The following AGK variants were observed in gnomAD, a reference collection of about 807,000 sequenced individuals.
AGK encodes acylglycerol kinase, mitochondrial.
Under a neutral mutation model 66.4 loss-of-function variants are expected in AGK, and 52 were observed. The observed-to-expected ratio is 0.78, with a 90% CI of 0.63 to 0.99. The LOEUF is 0.99. Ranked by LOEUF, AGK falls within the 50% of genes least tolerant of loss-of-function variation. AGK has a pLI of 0.00. For synonymous variants in AGK, 182 were observed against 181.1 expected (o/e 1.00, Z -0.04); for missense variants, 451 against 506.6 (o/e 0.89, Z 1.05).
intron 9 of AGK, among the ~76,000 whole-genome samples, chr7:141,631,233 C>T (rs1479268477): frequency 6.6e-6 from 1 of 151,824 alleles, no homozygotes; most frequent in African/African-American, 2.4e-5. Context: ...TGCTGATAAC[C>T]CCTTTATACA....
chr7:141,580,413 G>A (rs547913300), intron 2 of AGK, among the ~76,000 whole-genome samples: 60 of 152,004 alleles, frequency 3.9e-4, no homozygotes, highest in Middle Eastern at 6.8e-3. Context: ...AGGAAATATG[G>A]GGAAATTGGG....
At chr7:141,558,790 T>C (rs956049858) in intron 2 of AGK, among the ~76,000 whole-genome samples, 3 of 152,086 alleles carry the variant, frequency 2.0e-5, no homozygotes, top group East Asian at 3.8e-4. Context: ...TCAACACTTG[T>C]TATTTTCTGT....
intron 11 of AGK, 148 bp downstream of exon 11, chr7:141,637,165 A>G (rs924766314): frequency 3.2e-6 from 2 of 630,566 alleles, no homozygotes; most frequent in Non-Finnish European, 5.5e-6. Context: ...TTAAATACAA[A>G]TATAGAACGC....
intron 8 of AGK, among the ~76,000 whole-genome samples, chr7:141,619,488 T>C (rs796736924): frequency 5.3e-5 from 8 of 152,020 alleles, no homozygotes; most frequent in East Asian, 3.9e-4. Context: ...GTTGAACATA[T>C]ACAAAAAGTA....
chr7:141,561,819 G>T (rs1156794187), intron 2 of AGK, among the ~76,000 whole-genome samples: 2 of 152,032 alleles, frequency 1.3e-5, no homozygotes, highest in South Asian at 4.2e-4. Context: ...GGAACTCAAG[G>T]CCTGCTCTTC....
At position 141,654,398 on chromosome 7, in the gene AGK, AC is replaced by A. The variant is rs1255817364; in HGVS notation, c.*1475del. The A allele has an allele frequency of 2.6e-5, 4 of 152,240 alleles. No homozygotes were observed. The highest frequency in any genetic ancestry group is 9.6e-5 in the African/African-American group (4 of 41,472). The allele number at this position is 152,240 out of a possible 1,614,324, so 9.4% of individuals were successfully genotyped here. ...CACATAAATTCGATGGAATAGAATT[AC>A]GTTAACAATGTTTTTACAGTTCTTT... On this transcript the variant is annotated 3_prime_UTR_variant, in exon 16 of 16. Coordinates refer to ENST00000649286, the MANE Select transcript of AGK (RefSeq NM_018238.4).
chr7:141,563,883 C>T (rs1795404594), intron 2 of AGK, among the ~76,000 whole-genome samples: 1 of 152,194 alleles, frequency 6.6e-6, no homozygotes, highest in Non-Finnish European at 1.5e-5. Flanking sequence ...ATACGTTCCT[C>T]AACTCCATTT....
intron 13 of AGK, 142 bp from the exon 14 acceptor site, chr7:141,649,121 T>TACACTACA: frequency 2.7e-6 from 1 of 369,894 alleles, no homozygotes; most frequent in Non-Finnish European, 4.7e-6. Flanking sequence ...AGATTGAAAA[T>TACACTACA]AGGTTTGGAA....
chr7:141,608,999 T>A (rs547758026), intron 5 of AGK, among the ~76,000 whole-genome samples: 10 of 152,326 alleles, frequency 6.6e-5, no homozygotes, highest in Admixed American at 6.5e-4. Flanking sequence ...TACATACATT[T>A]TTTTAAAAGT....
At chr7:141,595,830 C>CT (rs1454595834) in intron 3 of AGK, among the ~76,000 whole-genome samples, 7 of 152,134 alleles carry the variant, frequency 4.6e-5, no homozygotes, top group African/African-American at 1.7e-4. Context: ...CTCTTTAGAG[C>CT]TTAGAGAGGC....
At chr7:141,592,676 A>T (rs967702278) in intron 2 of AGK, among the ~76,000 whole-genome samples, 9 of 152,192 alleles carry the variant, frequency 5.9e-5, no homozygotes, top group African/African-American at 1.9e-4. Context: ...AAATGTGATG[A>T]TAAGTTGTTA....
chr7:141,604,374 GTATATA>G (rs368893843), intron 5 of AGK, among the ~76,000 whole-genome samples: 1,839 of 113,798 alleles, frequency 0.016, 35 homozygotes, highest in Middle Eastern at 0.019. Flanking sequence ...GTGTGTGTGT[GTATATA>G]TATATATATA....
chr7:141,571,184 A>G (rs1261570276), intron 2 of AGK, among the ~76,000 whole-genome samples: 1 of 152,234 alleles, frequency 6.6e-6, no homozygotes, highest in Non-Finnish European at 1.5e-5. Flanking sequence ...ACACCTTTAA[A>G]TGGTGCCCTT....
At chr7:141,650,864 G>A (rs1035404602) in intron 14 of AGK, among the ~76,000 whole-genome samples, 4 of 152,080 alleles carry the variant, frequency 2.6e-5, no homozygotes, top group African/African-American at 7.2e-5. Flanking sequence ...ACTTAGGCAC[G>A]TCCTCCCTAT....
At position 141,653,058 on chromosome 7, in the gene AGK, C is replaced by T. The variant is rs1797603929; in HGVS notation, c.*134C>T. On this transcript the variant is annotated 3_prime_UTR_variant, in exon 16 of 16. Coordinates refer to ENST00000649286, the MANE Select transcript of AGK (RefSeq NM_018238.4). ...TTTTCATGGCAAGTACCCCTCTGCC[C>T]CCACTCCAGCAGTGCTTCCCAAAGT... 8.8e-6 allele frequency: 9 copies of T among 1,021,428 alleles called. No individual in the cohort carries two copies. The highest frequency in any genetic ancestry group is 2.4e-5 in the Admixed American group (1 of 41,584). The allele number at this position is 1,021,428 out of a possible 1,614,324, so 63.3% of individuals were successfully genotyped here.
At chr7:141,634,198 G>A (rs1797120013) in intron 10 of AGK, among the ~76,000 whole-genome samples, 1 of 152,146 alleles carries the variant, frequency 6.6e-6, no homozygotes, top group Non-Finnish European at 1.5e-5. Flanking sequence ...ACACTAGCTG[G>A]GCAGTAGCTG....
At chr7:141,583,032 C>G (rs780247593) in intron 2 of AGK, among the ~76,000 whole-genome samples, 2 of 151,690 alleles carry the variant, frequency 1.3e-5, no homozygotes, top group African/African-American at 4.9e-5. Flanking sequence ...AGGAAGGGAC[C>G]GATGTGTAAA....
intron 2 of AGK, among the ~76,000 whole-genome samples, chr7:141,592,680 G>A (rs1796146776): frequency 1.3e-5 from 2 of 152,020 alleles, no homozygotes; most frequent in South Asian, 4.2e-4. Flanking sequence ...GTGATGATAA[G>A]TTGTTATCAG....
At chr7:141,571,471 A>G (rs899662505) in intron 2 of AGK, among the ~76,000 whole-genome samples, 4 of 152,258 alleles carry the variant, frequency 2.6e-5, no homozygotes, top group African/African-American at 9.6e-5. Context: ...GAGTGGAGCC[A>G]TAATTAGATT....
Sources: gnomAD v4.1 joint callset for allele counts (sites outside exome capture counted in the v4.1 genomes callset) on GRCh38, gnomAD v4.1.1 for gene constraint, MANE v1.5 for transcripts, NCBI Gene and HGNC (gene_info 2026-07-23, HGNC 2026-07-21) for gene names.